The following COL6A3 variants were observed in gnomAD, a reference collection of about 807,000 sequenced individuals.
COL6A3 encodes the protein collagen alpha-3(VI) chain.
Under a neutral mutation model 274.1 loss-of-function variants are expected in COL6A3, and 137 were observed. The observed-to-expected ratio is 0.50, with a 90% CI of 0.44 to 0.58. The LOEUF (loss-of-function observed/expected upper bound fraction) is 0.58. Ranked by LOEUF, COL6A3 falls within the 20% of genes least tolerant of loss-of-function variation. COL6A3 has a pLI of 0.00. For synonymous variants in COL6A3, 1,650 were observed against 1,650.6 expected (o/e 1.00, Z 0.01); for missense variants, 3,950 against 4,124.9 (o/e 0.96, Z 1.16).
intron 1 of COL6A3, among the ~76,000 whole-genome samples, chr2:237,403,464 T>C (rs2078643637): frequency 6.6e-6 from 1 of 152,142 alleles, no homozygotes; most frequent in African/African-American, 2.4e-5. Context: ...TAGAACCACC[T>C]GTCAATACAG....
chr2:237,373,069 C>T (rs1395276960), intron 8 of COL6A3, among the ~76,000 whole-genome samples: 1 of 152,060 alleles, frequency 6.6e-6, no homozygotes, highest in East Asian at 1.9e-4. Flanking sequence ...CTCAAGATTA[C>T]CAGCTGAGAG....
intron 36 of COL6A3, chr2:237,344,000 G>A (rs2077046964): frequency 5.2e-6 from 2 of 382,480 alleles, no homozygotes; most frequent in South Asian, 2.2e-5. Flanking sequence ...CTTGGGAGGA[G>A]ACAGGAAGGA....
chr2:237,354,325 T>TC (rs2077270987), intron 24 of COL6A3, among the ~76,000 whole-genome samples: 1 of 151,670 alleles, frequency 6.6e-6, no homozygotes, highest in South Asian at 2.1e-4. Flanking sequence ...CCAGATTTTT[T>TC]TTTTTTTAAG....
At chr2:237,387,368 G>A (rs570089875) in intron 4 of COL6A3, among the ~76,000 whole-genome samples, 2 of 152,282 alleles carry the variant, frequency 1.3e-5, no homozygotes, top group South Asian at 4.1e-4. Flanking sequence ...TCATACTCTC[G>A]TAAGAGCTTT....
intron 1 of COL6A3, among the ~76,000 whole-genome samples, chr2:237,404,407 T>C (rs1421818958): frequency 6.6e-6 from 1 of 152,208 alleles, no homozygotes; most frequent in African/African-American, 2.4e-5. Context: ...TTCTGGAAGA[T>C]CCAGTTCGAT....
intron 6 of COL6A3, 88 bp from the exon 7 acceptor site, chr2:237,377,432 G>C: frequency 2.2e-6 from 3 of 1,347,062 alleles, no homozygotes; most frequent in Non-Finnish European, 2.1e-6. Flanking sequence ...TTGACAACAG[G>C]AGTTGGTGAA....
intron 5 of COL6A3, among the ~76,000 whole-genome samples, chr2:237,380,067 C>T (rs1006648714): frequency 6.6e-6 from 1 of 152,134 alleles, no homozygotes; most frequent in Non-Finnish European, 1.5e-5. Context: ...CTAATTGTAT[C>T]CTAAGTTGAA....
At chr2:237,363,098 A>G (rs552191179) in intron 14 of COL6A3, among the ~76,000 whole-genome samples, 155 bp downstream of exon 14, 2 of 152,008 alleles carry the variant, frequency 1.3e-5, no homozygotes, top group African/African-American at 2.4e-5. Flanking sequence ...TTATGGCAAC[A>G]AGGCAGTTCC....
intron 3 of COL6A3, among the ~76,000 whole-genome samples, chr2:237,390,140 T>A (rs1222859632): frequency 1.3e-5 from 2 of 152,168 alleles, no homozygotes. Context: ...AAAAGAAGGA[T>A]TAAATATGAT....
intron 40 of COL6A3, 35 bp downstream of exon 40, chr2:237,336,099 GT>G: frequency 1.2e-6 from 2 of 1,612,206 alleles, no homozygotes; most frequent in Non-Finnish European, 1.7e-6. Flanking sequence ...AAATGAGGAT[GT>G]CACAAGATGG....
chr2:237,340,630 G>T lies in COL6A3; in HGVS notation c.8286C>A (p.Ala2762=). The T allele has an allele frequency of 6.2e-7, 1 of 1,614,184 alleles. No homozygotes were observed. The highest frequency in any genetic ancestry group is 2.2e-5 in the East Asian group (1 of 44,880). The change falls in exon 38 of 44, where the codon GCC becomes GCA. Residue 2762 remains alanine (A), a synonymous_variant. Transcript: ENST00000295550. ...CCACGAAGAAGTAGCCCTTGCATTT[G>T]GCCTGCAGGATGACTCTCTGGGCCT... ...LEEAQRVILQ[A]KCKGYFFVVL...
At chr2:237,334,094 T>TG (rs967949159) in intron 41 of COL6A3, among the ~76,000 whole-genome samples, 5 of 151,868 alleles carry the variant, frequency 3.3e-5, no homozygotes, top group South Asian at 4.2e-4. Flanking sequence ...CTCAGTGAAA[T>TG]GGGGGGGCCC....
chr2:237,331,726 A>T (rs115510139), intron 42 of COL6A3, among the ~76,000 whole-genome samples: 79,854 of 134,082 alleles, frequency 0.6, 21,538 homozygotes, highest in Middle Eastern at 0.68. Flanking sequence ...TCTTTTTTTA[A>T]AAAAAAAAAA....
intron 1 of COL6A3, among the ~76,000 whole-genome samples, chr2:237,412,421 T>C (rs1229991096): frequency 1.3e-5 from 2 of 152,192 alleles, no homozygotes; most frequent in Non-Finnish European, 2.9e-5. Context: ...CACTGGCTTG[T>C]CTGCTCTCCT....
intron 21 of COL6A3, 125 bp from the exon 22 acceptor site, chr2:237,358,007 G>T: frequency 2.3e-6 from 2 of 884,932 alleles, no homozygotes; most frequent in Non-Finnish European, 3.9e-6. Flanking sequence ...AAGCCCTTCG[G>T]CCACAACCCA....
At position 237,378,657 on chromosome 2, in the gene COL6A3, C is replaced by T. The variant is rs1193723586; in HGVS notation, c.2476G>A (p.Glu826Lys). 6.8e-6 allele frequency: 11 copies of T among 1,612,820 alleles called. No homozygotes were observed. The highest frequency in any genetic ancestry group is 9.3e-6 in the Non-Finnish European group (11 of 1,180,034). Residue 826 changes from glutamate to lysine, a missense_variant, in exon 6 of 44, where the codon GAA becomes AAA. Coordinates refer to ENST00000295550, the MANE Select transcript of COL6A3 (RefSeq NM_004369.4). ...LTTYVSGGVEEVPLAQPESKR... is the reference protein window; with the variant it reads ...LTTYVSGGVEKVPLAQPESKR... The stretch of plus-strand genomic sequence containing the variant: ...TTACCTGGCTGAGCGAGTGGTACTT[C>T]CTCCACACCTCCACTAACATATGTG...
rs1381530343 is a variant in COL6A3, at chr2:237,340,751, G to A, written c.8165C>T (p.Thr2722Ile). The change falls in exon 38 of 44, where the codon ACC (threonine) becomes ATC (isoleucine). Residue 2722 changes from threonine to isoleucine, a missense_variant. This residue lies in a region of COL6A3 where 1,284 missense variants were observed against 1,349.7 expected (regional missense o/e 0.95). Transcript: ENST00000295550. ...TRALGSAIEY[T>I]IENVFESAPN... The stretch of plus-strand genomic sequence containing the variant: ...GGCACTTTCAAAGACATTCTCTATG[G>A]TGTATTCAATGGCACTGCCTAAGGC... 1 of 1,614,120 alleles carries A rather than the reference G, an allele frequency of 6.2e-7. No homozygotes were observed. The highest frequency in any genetic ancestry group is 1.1e-5 in the South Asian group (1 of 91,078).
Position 237,368,770 on chromosome 2 carries a change from A to G in COL6A3, c.4693T>C (p.Ser1565Pro). 1 of 1,614,176 alleles carries G rather than the reference A, an allele frequency of 6.2e-7. No homozygotes were observed. The highest frequency in any genetic ancestry group is 8.5e-7 in the Non-Finnish European group (1 of 1,180,028). Residue 1565 changes from serine to proline, a missense_variant, in exon 10 of 44, where the codon TCC becomes CCC. Physicochemically the swap from Ser to Pro is moderately conservative, Grantham distance 74 (BLOSUM62 -1). Transcript: ENST00000295550. The surrounding 1 kb of genome is among the most constrained non-coding windows in gnomAD (Gnocchi z 4.4). The stretch of plus-strand genomic sequence containing the variant: ...ACCCCTAAACTCACAATGCCCGAGG[A>G]ACGGATCACCTGGGCGAACCTGGAC... ...DVSRFAQVIR[S>P]SGIVSLGVGD...
chr2:237,380,736 T>A (rs1034523342), intron 5 of COL6A3, among the ~76,000 whole-genome samples, 179 bp downstream of exon 5: 3 of 152,242 alleles, frequency 2.0e-5, no homozygotes, highest in African/African-American at 7.2e-5. Flanking sequence ...CATGACATTG[T>A]AAACCATACA....
Sources: gnomAD v4.1 joint callset for allele counts (sites outside exome capture counted in the v4.1 genomes callset) on GRCh38, gnomAD v4.1.1 for gene constraint, gnomAD v4.1.1 regional missense constraint, Gnocchi (gnomAD v3.1) non-coding constraint, MANE v1.5 for transcripts, NCBI Gene and HGNC (gene_info 2026-07-23, HGNC 2026-07-21) for gene names.